Variants in FRMD4A observed in about 807,000 individuals in gnomAD.
FRMD4A encodes FERM domain containing 4A.
In FRMD4A, 29 loss-of-function variants were observed where a neutral mutation model predicts 129.1. The observed-to-expected ratio is 0.22, with a 90% CI of 0.17 to 0.31. The LOEUF (loss-of-function observed/expected upper bound fraction) is 0.31, where lower values mean the gene tolerates loss of function less well. Among genes scored for constraint, FRMD4A ranks in the 10% least tolerant of loss-of-function variants. FRMD4A has a pLI of 1.00. For missense variants in FRMD4A, 1,272 were observed against 1,375.8 expected (o/e 0.92, Z 1.19); for synonymous variants, 634 against 571.6 (o/e 1.11, Z -1.56).
At position 14,187,379 on chromosome 10, in the gene FRMD4A, G is replaced by A. The variant is rs756994910; in HGVS notation, c.45+142679C>T. Among the ~76,000 whole-genome samples the A allele has an allele frequency of 1.3e-4, 20 of 152,160 alleles. 1 individual carries two copies. Among genetic ancestry groups the A allele is most frequent in the Non-Finnish European group, 2.6e-4 (18 of 68,026 alleles). ...CGGTTACTTTCCTAAGATTACAGAA[G>A]TCCTCAACCTTGCTAATCTGATGTT... On this transcript the variant is annotated intron_variant, in intron 2 of 24. Transcript: ENST00000357447.
chr10:13,718,995 C>T (rs561236416), intron 12 of FRMD4A, among the ~76,000 whole-genome samples: 18 of 152,210 alleles, frequency 1.2e-4, no homozygotes, highest in African/African-American at 3.1e-4. Flanking sequence ...GAATGAAGAG[C>T]TTTTTGAGAT....
intron 15 of FRMD4A, among the ~76,000 whole-genome samples, chr10:13,680,281 A>G (rs2084426505): frequency 6.6e-6 from 1 of 151,422 alleles, no homozygotes; most frequent in Non-Finnish European, 1.5e-5. Context: ...ACATGGTGAG[A>G]CTCTGTCTCT....
intron 2 of FRMD4A, among the ~76,000 whole-genome samples, chr10:14,041,587 C>T (rs150083650): frequency 1.7e-3 from 254 of 152,296 alleles, no homozygotes; most frequent in African/African-American, 5.9e-3. Context: ...ATATGAGCCC[C>T]AAAAGGCGTG....
intron 2 of FRMD4A, among the ~76,000 whole-genome samples, chr10:14,025,349 C>T (rs1832940920): frequency 6.6e-6 from 1 of 151,834 alleles, no homozygotes; most frequent in African/African-American, 2.4e-5. Context: ...AAATATACCT[C>T]ACATAAATTT....
At chr10:13,668,715 G>A (rs1175065442) in intron 17 of FRMD4A, among the ~76,000 whole-genome samples, 2 of 152,142 alleles carry the variant, frequency 1.3e-5, no homozygotes, top group Non-Finnish European at 2.9e-5. Context: ...GGGTGTTGGG[G>A]GAACTCCCTA....
At chr10:14,087,351 A>G (rs1393252528) in intron 2 of FRMD4A, among the ~76,000 whole-genome samples, 1 of 147,682 alleles carries the variant, frequency 6.8e-6, no homozygotes, top group Non-Finnish European at 1.5e-5. Context: ...TTTATATATT[A>G]TAAAATTATA....
chr10:14,180,397 T>C (rs1351405399), intron 2 of FRMD4A, among the ~76,000 whole-genome samples: 1 of 152,216 alleles, frequency 6.6e-6, no homozygotes, highest in Non-Finnish European at 1.5e-5. Context: ...CAAGTATGGA[T>C]AGAAGGCTAG....
At chr10:14,075,121 C>G (rs1285348055) in intron 2 of FRMD4A, among the ~76,000 whole-genome samples, 1 of 152,220 alleles carries the variant, frequency 6.6e-6, no homozygotes, top group African/African-American at 2.4e-5. Flanking sequence ...AAGGTCACCA[C>G]TGGTCACTAG....
intron 15 of FRMD4A, among the ~76,000 whole-genome samples, chr10:13,689,198 C>CGGGGGGGTGGGGGGGGG (rs2085398998): frequency 2.0e-3 from 138 of 67,890 alleles, no homozygotes; most frequent in Admixed American, 2.7e-3. Context: ...AAACTCTTTG[C>CGGGGGGGTGGGGGGGGG]GGGGGGGGGG....
intron 5 of FRMD4A, among the ~76,000 whole-genome samples, chr10:13,793,647 C>A (rs553625903): frequency 3.1e-4 from 47 of 152,212 alleles, no homozygotes; most frequent in South Asian, 6.2e-4. Flanking sequence ...CTGCTCAGAG[C>A]CCAACCGTGC....
chr10:14,061,269 T>C (rs540296871), intron 2 of FRMD4A, among the ~76,000 whole-genome samples: 1 of 137,558 alleles, frequency 7.3e-6, no homozygotes, highest in Admixed American at 7.1e-5. Context: ...AACATGGGTG[T>C]TGATCAACCC....
Position 13,684,627 on chromosome 10 carries a change from T to G in FRMD4A, c.1117+9271A>C, listed in dbSNP as rs2084912862. 3 of 985,382 alleles carry G rather than the reference T, an allele frequency of 3.0e-6. No individual in the cohort carries two copies. The South Asian group carries it at 1.4e-4, about 46-fold the overall frequency. The allele number at this position is 985,382 out of a possible 1,614,324, so 61.0% of individuals were successfully genotyped here. On this transcript the variant is annotated intron_variant, in intron 15 of 24. Coordinates refer to ENST00000357447, the MANE Select transcript of FRMD4A (RefSeq NM_018027.5). ...AATTGTTCAGAAGACCCTGGGCGAC[T>G]CAGCACCGGATATGAGCGCACATTC...
chr10:13,876,206 A>G (rs901371549), intron 2 of FRMD4A, among the ~76,000 whole-genome samples: 1 of 152,248 alleles, frequency 6.6e-6, no homozygotes, highest in African/African-American at 2.4e-5. Context: ...TGTATAAGGC[A>G]TGGATATATA....
At chr10:14,109,882 G>A (rs1374207473) in intron 2 of FRMD4A, among the ~76,000 whole-genome samples, 2 of 151,192 alleles carry the variant, frequency 1.3e-5, no homozygotes, top group African/African-American at 4.9e-5. Context: ...TGAGGCAGGA[G>A]AATCGCTTGA....
At chr10:14,157,477 T>C (rs1840660783) in intron 2 of FRMD4A, among the ~76,000 whole-genome samples, 1 of 152,196 alleles carries the variant, frequency 6.6e-6, no homozygotes. Flanking sequence ...CGGCAAGCAA[T>C]TTCACTTTTT....
At chr10:13,801,304 A>C (rs1405251198) in intron 4 of FRMD4A, among the ~76,000 whole-genome samples, 1 of 152,172 alleles carries the variant, frequency 6.6e-6, no homozygotes, top group Non-Finnish European at 1.5e-5. Flanking sequence ...CAAAGAGAAC[A>C]TGGAAGCTGG....
intron 2 of FRMD4A, among the ~76,000 whole-genome samples, chr10:13,886,013 G>T (rs1267656037): frequency 6.6e-6 from 1 of 152,110 alleles, no homozygotes; most frequent in East Asian, 1.9e-4. Context: ...TAGACTCTCC[G>T]GCTATTGGTA....
intron 16 of FRMD4A, among the ~76,000 whole-genome samples, chr10:13,673,864 C>CT (rs1265880075): frequency 6.7e-6 from 1 of 149,652 alleles, no homozygotes; most frequent in Non-Finnish European, 1.5e-5. Flanking sequence ...CAGTCTCAAC[C>CT]TTTCAGGCTC....
At position 13,659,422 on chromosome 10, in the gene FRMD4A, T is replaced by C; in HGVS notation, c.1967A>G (p.Asn656Ser). The C allele has an allele frequency of 6.2e-7, 1 of 1,614,058 alleles. No homozygotes were observed. The highest frequency in any genetic ancestry group is 8.5e-7 in the Non-Finnish European group (1 of 1,179,996). The stretch of plus-strand genomic sequence containing the variant: ...GTGCGGGAGGCCGCGGATGGGGCTG[T>C]TCTGCAAGGAGTTGCTTCCTCCGCC... ...EAGGGSNSLQ[N>S]SPIRGLPHWN... is the part of the protein sequence containing the mutation. The change falls in exon 21 of 25, where the codon AAC (asparagine) becomes AGC (serine). Residue 656 changes from asparagine (N) to serine (S), a missense_variant. Asn to Ser is a conservative substitution (Grantham distance 46). Transcript: ENST00000357447.
Sources: allele counts gnomAD v4.1 joint callset (sites outside exome capture counted in the v4.1 genomes callset), GRCh38; gene constraint gnomAD v4.1.1; transcripts MANE v1.5; gene names NCBI Gene and HGNC (gene_info 2026-07-23, HGNC 2026-07-21).